PTPRT: variants seen among roughly 807,000 people sequenced by gnomAD.
PTPRT encodes receptor-type tyrosine-protein phosphatase T.
In PTPRT, 56 loss-of-function variants were observed where a neutral mutation model predicts 176.8. That is an observed-to-expected ratio of 0.32 (90% CI 0.26 to 0.40). PTPRT has a LOEUF of 0.40. Among genes scored for constraint, PTPRT ranks in the 10% least tolerant of loss-of-function variants. The pLI, the probability that PTPRT is intolerant of heterozygous loss-of-function variation, is 1.00. For synonymous variants in PTPRT, 783 were observed against 739.0 expected (o/e 1.06, Z -0.96); for missense variants, 1,540 against 1,908.2 (o/e 0.81, Z 3.60).
At position 42,442,220 on chromosome 20, in the gene PTPRT, G is replaced by A. The variant is rs528046413; in HGVS notation, c.1560+6000C>T. On this transcript the variant is annotated intron_variant, in intron 9 of 30. Coordinates refer to ENST00000373187, the MANE Select transcript of PTPRT (RefSeq NM_007050.6). Reference sequence around the variant, plus strand: ...CATCAATGTCTGTGTTCAGGCTTTCGTTCTGTTCAGAACTCCTGTCTCGGA... The same window carrying A: ...CATCAATGTCTGTGTTCAGGCTTTCATTCTGTTCAGAACTCCTGTCTCGGA... 7.2e-5 allele frequency among the ~76,000 whole-genome samples: 11 copies of A among 152,114 alleles called. No individual in the cohort carries two copies. In the South Asian group the frequency reaches 1.9e-3, roughly 26 times the overall value.
At chr20:43,078,331 T>C (rs2011335180) in intron 1 of PTPRT, among the ~76,000 whole-genome samples, 1 of 152,210 alleles carries the variant, frequency 6.6e-6, no homozygotes, top group Non-Finnish European at 1.5e-5. Context: ...CAGCCAGCCC[T>C]GAATGAATGA....
intron 1 of PTPRT, among the ~76,000 whole-genome samples, chr20:42,919,922 G>A (rs1459032500): frequency 6.6e-6 from 1 of 152,120 alleles, no homozygotes; most frequent in African/African-American, 2.4e-5. Context: ...TGGACAATAC[G>A]CACTTCCCAG....
At chr20:42,364,912 G>T (rs2145578051) in intron 9 of PTPRT, among the ~76,000 whole-genome samples, 1 of 152,338 alleles carries the variant, frequency 6.6e-6, no homozygotes, top group South Asian at 2.1e-4. Context: ...GGATAACAAA[G>T]GAGTCAGAAA....
intron 7 of PTPRT, among the ~76,000 whole-genome samples, chr20:42,534,935 G>A (rs1420620615): frequency 1.3e-5 from 2 of 152,102 alleles, no homozygotes; most frequent in Non-Finnish European, 2.9e-5. Context: ...CCAGTGCTGC[G>A]CTAAATGTTT....
At position 42,197,185 on chromosome 20, in the gene PTPRT, C is replaced by A. The variant is rs563898703; in HGVS notation, c.2491+2055G>T. On this transcript the variant is annotated intron_variant, in intron 16 of 30. Coordinates refer to ENST00000373187, the MANE Select transcript of PTPRT (RefSeq NM_007050.6). ...ACGAGGTCAGGAGATCGAGACCATCCTGGCAAACACGGTGAAACCCCGTCT... is the reference window on the plus strand; with the variant it reads ...ACGAGGTCAGGAGATCGAGACCATCATGGCAAACACGGTGAAACCCCGTCT... Among the ~76,000 whole-genome samples the A allele has an allele frequency of 1.3e-4, 20 of 152,060 alleles. No individual in the cohort carries two copies. In the South Asian group the frequency reaches 4.2e-3, roughly 32 times the overall value.
At chr20:42,486,436 C>A (rs1023659361) in intron 7 of PTPRT, among the ~76,000 whole-genome samples, 2 of 152,162 alleles carry the variant, frequency 1.3e-5, no homozygotes, top group African/African-American at 4.8e-5. Flanking sequence ...TTCACATTTT[C>A]TATCTCTTGC....
At chr20:42,057,222 C>T in the PTPRT span, among the ~76,000 whole-genome samples, 30 of 152,170 alleles carry the variant, frequency 2.0e-4, no homozygotes, top group Non-Finnish European at 7.3e-5. Flanking sequence ...AGCTAGGTGC[C>T]TGTCTACCTA....
At chr20:42,570,170 A>G (rs564066474) in intron 7 of PTPRT, among the ~76,000 whole-genome samples, 1 of 152,182 alleles carries the variant, frequency 6.6e-6, no homozygotes, top group African/African-American at 2.4e-5. Context: ...TGTCTGGGGC[A>G]TCTCTCCCAT....
chr20:42,490,384 AG>A (rs749463415), intron 7 of PTPRT, among the ~76,000 whole-genome samples: 9 of 152,148 alleles, frequency 5.9e-5, no homozygotes, highest in South Asian at 2.1e-4. Context: ...CCATCTATTC[AG>A]GTCTTCTTTT....
intron 1 of PTPRT, among the ~76,000 whole-genome samples, chr20:43,186,060 A>G (rs1036179722): frequency 5.9e-5 from 9 of 152,258 alleles, no homozygotes; most frequent in African/African-American, 1.9e-4. Flanking sequence ...GGTCAGTAAC[A>G]GACAAGGCTC....
At chr20:42,958,352 T>TG (rs1981783719) in intron 1 of PTPRT, among the ~76,000 whole-genome samples, 1 of 4,856 alleles carries the variant, frequency 2.1e-4, no homozygotes, top group Non-Finnish European at 3.9e-4. Context: ...GAGGAGGGGC[T>TG]GGGAAGGGAG....
intron 7 of PTPRT, among the ~76,000 whole-genome samples, chr20:42,630,367 C>T (rs989719745): frequency 6.6e-6 from 1 of 152,088 alleles, no homozygotes; most frequent in Admixed American, 6.6e-5. Context: ...TGTGTGGTTT[C>T]AAGCCACTAT....
At chr20:42,464,290 T>C (rs62203556) in intron 8 of PTPRT, among the ~76,000 whole-genome samples, 1 of 152,146 alleles carries the variant, frequency 6.6e-6, no homozygotes. Flanking sequence ...ATTACCAGAG[T>C]GAACAACACA....
At position 42,073,257 on chromosome 20, in the gene PTPRT, T is replaced by C. The variant is rs1484575802; in HGVS notation, c.*7622A>G. 5.3e-6 allele frequency: 1 copy of C among 189,242 alleles called. No homozygotes were observed. The highest frequency in any genetic ancestry group is 1.1e-5 in the Non-Finnish European group (1 of 89,778). The allele number at this position is 189,242 out of a possible 1,614,324, so 11.7% of individuals were successfully genotyped here. A position where few individuals can be genotyped will look rare whatever the true frequency, so the allele number is the denominator to read the frequency against. ...GGCAATGGTAGAGGCCACAACTCTTTGTCTTTGATTGGCTAGTAGAATGTA... is the reference window on the plus strand; with the variant it reads ...GGCAATGGTAGAGGCCACAACTCTTCGTCTTTGATTGGCTAGTAGAATGTA... On this transcript the variant is annotated 3_prime_UTR_variant, in exon 31 of 31. Transcript: ENST00000373187.
rs74918304 is a variant in PTPRT at position 43,028,871 on chromosome 20, C to T, written c.89-142939G>A. ...AGAGGGAATAAGTGAAATGGAACAA[C>T]AGGGAGGCAGCGATGGAATGGGACA... On this transcript the variant is annotated intron_variant, in intron 1 of 30. Coordinates refer to ENST00000373187, the MANE Select transcript of PTPRT (RefSeq NM_007050.6). 1.1e-4 allele frequency among the ~76,000 whole-genome samples: 17 copies of T among 152,270 alleles called. No individual in the cohort carries two copies. The East Asian group carries it at 3.1e-3, about 28-fold the overall frequency.
chr20:42,494,966 T>C (rs2071627984), intron 7 of PTPRT, among the ~76,000 whole-genome samples: 1 of 152,152 alleles, frequency 6.6e-6, no homozygotes, highest in African/African-American at 2.4e-5. Context: ...CACAAGTGAA[T>C]CTCCCTCCTC....
At chr20:42,725,895 A>ATTCC (rs1320566266) in intron 6 of PTPRT, among the ~76,000 whole-genome samples, 2 of 151,760 alleles carry the variant, frequency 1.3e-5, no homozygotes, top group Non-Finnish European at 2.9e-5. Flanking sequence ...GACTCTGACC[A>ATTCC]TCCCTCCCTC....
intron 16 of PTPRT, among the ~76,000 whole-genome samples, chr20:42,195,543 A>G (rs1196089859): frequency 1.3e-5 from 2 of 152,110 alleles, no homozygotes; most frequent in Admixed American, 6.5e-5. Flanking sequence ...GATGCATTCT[A>G]GGGCAGTCAA....
chr20:42,542,600 G>C (rs1356652770), intron 7 of PTPRT, among the ~76,000 whole-genome samples: 1 of 152,152 alleles, frequency 6.6e-6, no homozygotes, highest in Non-Finnish European at 1.5e-5. Flanking sequence ...ATGTAGAGAA[G>C]ATAATTGAAC....
Sources: gnomAD v4.1 joint callset for allele counts (sites outside exome capture counted in the v4.1 genomes callset) on GRCh38, gnomAD v4.1.1 for gene constraint, MANE v1.5 for transcripts, NCBI Gene and HGNC (gene_info 2026-07-23, HGNC 2026-07-21) for gene names.